L1TD1: variants seen among roughly 807,000 people sequenced by gnomAD.
L1TD1 encodes the protein LINE-1 type transposase domain-containing protein 1.
A neutral mutation model predicts 25.7 loss-of-function variants in L1TD1; 26 were observed. The observed-to-expected ratio is 1.01, with a 90% CI of 0.74 to 1.40. The LOEUF (loss-of-function observed/expected upper bound fraction) is 1.40. Ranked by LOEUF, L1TD1 falls within the 40% of genes most tolerant of loss-of-function variation. The pLI is 0.00. For synonymous variants in L1TD1, 421 were observed against 335.6 expected (o/e 1.25, Z -2.78); for missense variants, 1,130 against 975.0 (o/e 1.16, Z -2.12).
intron 2 of L1TD1, among the ~76,000 whole-genome samples, chr1:62,197,513 T>C (rs1357550861): frequency 6.6e-6 from 1 of 151,458 alleles, no homozygotes; most frequent in Non-Finnish European, 1.5e-5. Flanking sequence ...TCTAAAAAAG[T>C]TTTTTAGAGA....
chr1:62,209,289 CTT>C (rs376933477), intron 3 of L1TD1, among the ~76,000 whole-genome samples: 34 of 131,780 alleles, frequency 2.6e-4, no homozygotes, highest in Non-Finnish European at 3.2e-4. Flanking sequence ...CAATTGGGGT[CTT>C]TTTTTTTTTT....
chr1:62,208,726 G>A (rs1670801228), intron 3 of L1TD1, among the ~76,000 whole-genome samples: 1 of 151,808 alleles, frequency 6.6e-6, no homozygotes, highest in Non-Finnish European at 1.5e-5. Flanking sequence ...CAGTCTACAT[G>A]CCTTGGCCTC....
rs1435110212 is a variant in L1TD1 at position 62,211,569 on chromosome 1, T to G, written c.*197T>G. On this transcript the variant is annotated 3_prime_UTR_variant, in exon 4 of 4. Coordinates refer to ENST00000498273, the MANE Select transcript of L1TD1 (RefSeq NM_019079.5). Reference sequence around the variant, plus strand: ...TTTAAAAAAAATAGGCTGGTCTCAATGTAGTGAGTTATTTCAGTTGATCAC... The same window carrying G: ...TTTAAAAAAAATAGGCTGGTCTCAAGGTAGTGAGTTATTTCAGTTGATCAC... The G allele has an allele frequency of 1.2e-6, 1 of 816,948 alleles. No homozygotes were observed. Among genetic ancestry groups the G allele is most frequent in the Admixed American group, 3.6e-5 (1 of 27,464 alleles). 50.6% of individuals were successfully genotyped at this position (816,948 alleles called of 1,614,324 possible).
chr1:62,209,098 A>G (rs183202231), intron 3 of L1TD1, among the ~76,000 whole-genome samples: 150 of 152,122 alleles, frequency 9.9e-4, no homozygotes, highest in Non-Finnish European at 1.4e-3. Flanking sequence ...TACCTTGCTT[A>G]CTTTATATTA....
At chr1:62,206,068 C>T (rs1670738342) in intron 2 of L1TD1, among the ~76,000 whole-genome samples, 1 of 152,114 alleles carries the variant, frequency 6.6e-6, no homozygotes, top group Non-Finnish European at 1.5e-5. Flanking sequence ...AATTGGTTTT[C>T]AGAAAAAGTC....
At chr1:62,195,551 G>C (rs2989007) in intron 1 of L1TD1, among the ~76,000 whole-genome samples, 44,177 of 151,712 alleles carry the variant, frequency 0.29, 6,654 homozygotes, top group Middle Eastern at 0.36. Flanking sequence ...GTCGGAGTTC[G>C]AGACCATCCT....
chr1:62,211,655 G>C lies in L1TD1; in HGVS notation c.*283G>C, dbSNP rs1340994812. 3 of 276,904 alleles carry C rather than the reference G, an allele frequency of 1.1e-5. No homozygotes were observed. Among genetic ancestry groups the C allele is most frequent in the Non-Finnish European group, 1.3e-5 (2 of 152,082 alleles). The allele number at this position is 276,904 out of a possible 1,614,324, so 17.2% of individuals were successfully genotyped here. On this transcript the variant is annotated 3_prime_UTR_variant, in exon 4 of 4. Transcript: ENST00000498273. ...CCCCCACCACCTCCCTACTGCAGTT[G>C]ACTAGTCTTTTTAGAATTTATATTA...
In L1TD1 at chr1:62,210,729, T is replaced by C; in HGVS notation, c.1955T>C (p.Leu652Pro). The C allele has an allele frequency of 6.4e-7, 1 of 1,551,720 alleles. No homozygotes were observed. Residue 652 changes from leucine to proline, a missense_variant, in exon 4 of 4, where the codon CTG (leucine) becomes CCG (proline). Physicochemically the swap from Leu to Pro is moderately conservative, Grantham distance 98 (BLOSUM62 -3). Transcript: ENST00000498273. ...GAAATTGAAAATTCAGTAGATGATC[T>C]GAGTAGCAGAATGGACATACTTGAA... Reference protein sequence around the residue: ...VLEIENSVDDLSSRMDILEER... With the variant: ...VLEIENSVDDPSSRMDILEER...
chr1:62,205,433 A>ATTTTTTT (rs1161372604), intron 2 of L1TD1, among the ~76,000 whole-genome samples: 2 of 40,070 alleles, frequency 5.0e-5, no homozygotes, highest in Non-Finnish European at 1.2e-4. Context: ...ATATATATAT[A>ATTTTTTT]TATATATATA....
At position 62,194,865 on chromosome 1, in the gene L1TD1, G is replaced by C. The variant is rs969104406; in HGVS notation, c.-261G>C. 2 of 152,376 alleles carry C rather than the reference G, an allele frequency of 1.3e-5. No individual in the cohort carries two copies. The highest frequency in any genetic ancestry group is 1.3e-4 in the Admixed American group (2 of 15,280). The allele number at this position is 152,376 out of a possible 1,614,324, so 9.4% of individuals were successfully genotyped here. A position where few individuals can be genotyped will look rare whatever the true frequency, so the allele number is the denominator to read the frequency against. On this transcript the variant is annotated 5_prime_UTR_variant, in exon 1 of 4. Coordinates refer to ENST00000498273, the MANE Select transcript of L1TD1 (RefSeq NM_019079.5). ...AATCCTCTCAGTCCTTAGTTACAAG[G>C]CTCCATCCTCACTTTGTTCGCTCCT...
rs1401865362 is a variant in L1TD1 at position 62,209,708 on chromosome 1, T to TG, written c.1009-75_1009-74insG. Reference sequence around the variant, plus strand: ...TGAAGCCATATTAAAATTAGTGAAATTGAAATTTTAATTCTTTAAAAGACA... The same window carrying TG: ...TGAAGCCATATTAAAATTAGTGAAATGTGAAATTTTAATTCTTTAAAAGACA... On this transcript the variant is annotated intron_variant, in intron 3 of 3. Coordinates refer to ENST00000498273, the MANE Select transcript of L1TD1 (RefSeq NM_019079.5). 6.7e-6 allele frequency: 8 copies of TG among 1,199,916 alleles called. No individual in the cohort carries two copies. The African/African-American group carries it at 1.2e-4, about 19-fold the overall frequency. 74.3% of individuals were successfully genotyped at this position (1,199,916 alleles called of 1,614,324 possible).
At chr1:62,204,343 T>C (rs1368623196) in intron 2 of L1TD1, among the ~76,000 whole-genome samples, 1 of 152,200 alleles carries the variant, frequency 6.6e-6, no homozygotes, top group East Asian at 1.9e-4. Context: ...CTATACATTT[T>C]CCTCAAAGCA....
chr1:62,211,370 T>C lies in L1TD1; in HGVS notation c.2596T>C (p.Ter866GlnextTer22). The change falls in exon 4 of 4, where the codon TAG (stop) becomes CAG (glutamine). Residue 866 changes from the stop codon to glutamine (Q), a stop_lost. Transcript: ENST00000498273. ...AGAATTACTGGGGAATAATATACCT[T>C]AGCACGCCAGGGTGACTACAAACAA... ...LRELLGNNIP* is the reference protein window; with the variant it reads ...LRELLGNNIPQ 6.3e-7 allele frequency: 1 copy of C among 1,586,808 alleles called. No individual in the cohort carries two copies. Among genetic ancestry groups the C allele is most frequent in the Non-Finnish European group, 8.6e-7 (1 of 1,168,326 alleles).
intron 3 of L1TD1, chr1:62,207,986 G>C (rs1429157674): frequency 1.2e-5 from 2 of 164,826 alleles, no homozygotes; most frequent in African/African-American, 2.4e-5. Context: ...GGGATTACAG[G>C]CGTGAGCCAC....
intron 2 of L1TD1, among the ~76,000 whole-genome samples, chr1:62,203,855 G>T (rs1473359422): frequency 1.3e-5 from 2 of 152,198 alleles, no homozygotes; most frequent in African/African-American, 2.4e-5. Context: ...AGAGTGTTGG[G>T]ATTACAGGTG....
Position 62,207,502 on chromosome 1 carries a change from A to G in L1TD1, c.874A>G (p.Thr292Ala), listed in dbSNP as rs1293618530. 2 of 1,551,376 alleles carry G rather than the reference A, an allele frequency of 1.3e-6. No individual in the cohort carries two copies. The highest frequency in any genetic ancestry group is 1.7e-6 in the Non-Finnish European group (2 of 1,146,944). The stretch of plus-strand genomic sequence containing the variant: ...ATTTAAATGTGATGGTGAAATAAAG[A>G]CATTTTCAGATCTGCAAAGCCTTAG... ...LAFKCDGEIK[T>A]FSDLQSLRKF... The change falls in exon 3 of 4, where the codon ACA (threonine) becomes GCA (alanine). Residue 292 changes from threonine (T) to alanine (A), a missense_variant. Thr to Ala is a moderately conservative substitution (Grantham distance 58). Coordinates refer to ENST00000498273, the MANE Select transcript of L1TD1 (RefSeq NM_019079.5).
At chr1:62,207,679 T>C (rs1670780385) in intron 3 of L1TD1, 43 bp downstream of exon 3, 1 of 1,455,122 alleles carries the variant, frequency 6.9e-7, no homozygotes. Flanking sequence ...TATGTATAAA[T>C]GTAATAGTAG....
In L1TD1 at chr1:62,202,248, C is replaced by T. The variant is rs6677497; in HGVS notation, c.-110-4271C>T. ...CTGGGAGGTGGAGGTTGCGGTGAGC[C>T]GAGATCATGCCATTGCATTCCAGCC... On this transcript the variant is annotated intron_variant, in intron 2 of 3. Coordinates refer to ENST00000498273, the MANE Select transcript of L1TD1 (RefSeq NM_019079.5). Among the ~76,000 whole-genome samples, 375 of 151,164 alleles carry T rather than the reference C, an allele frequency of 2.5e-3. 1 individual carries two copies. Among genetic ancestry groups the T allele is most frequent in the African/African-American group, 8.6e-3 (356 of 41,172 alleles).
In L1TD1 at chr1:62,211,525, G is replaced by C; in HGVS notation, c.*153G>C. ...CAAGGAATATTACAGATATTACCTA[G>C]ATGTTAATAAAGGGTATGTTTAAAA... On this transcript the variant is annotated 3_prime_UTR_variant, in exon 4 of 4. Transcript: ENST00000498273. 1.6e-6 allele frequency: 2 copies of C among 1,288,778 alleles called. No individual in the cohort carries two copies. The highest frequency in any genetic ancestry group is 1.8e-5 in the South Asian group (1 of 54,878). 79.8% of individuals were successfully genotyped at this position (1,288,778 alleles called of 1,614,324 possible). A position where few individuals can be genotyped will look rare whatever the true frequency, so the allele number is the denominator to read the frequency against.
Sources: allele counts gnomAD v4.1 joint callset (sites outside exome capture counted in the v4.1 genomes callset), GRCh38; gene constraint gnomAD v4.1.1; transcripts MANE v1.5; gene names NCBI Gene and HGNC (gene_info 2026-07-23, HGNC 2026-07-21).